Variants in LINC00305 observed in about 807,000 individuals in gnomAD.
LINC00305 encodes long independently transcribed non-coding RNA 305.
At chr18:64,084,293 A>G (rs2051195197) in intron 3 of LINC00305, among the ~76,000 whole-genome samples, 1 of 152,142 alleles carries the variant, frequency 6.6e-6, no homozygotes, top group African/African-American at 2.4e-5. Flanking sequence ...TAACCCCATA[A>G]GAATCCAATT....
intron 2 of LINC00305, chr18:64,098,561 T>G (rs1314224112): frequency 2.3e-6 from 1 of 442,722 alleles, no homozygotes; most frequent in Admixed American, 2.6e-5. Context: ...AGAAAGAATT[T>G]GAAATGGTTA....
chr18:64,137,437 A>T lies in LINC00305; in HGVS notation n.314+11338T>A, dbSNP rs141001826. On this transcript the variant is annotated intron_variant and non_coding_transcript_variant, in intron 1 of 3. Transcript: ENST00000666468. Reference sequence around the variant, plus strand: ...ATGTGGCACTTCAGTTATGAGCTATAGTCTTTCTGTCTGTCTACTATTATT... The same window carrying T: ...ATGTGGCACTTCAGTTATGAGCTATTGTCTTTCTGTCTGTCTACTATTATT... Among the ~76,000 whole-genome samples, 293 of 152,358 alleles carry T rather than the reference A, an allele frequency of 1.9e-3. 1 individual carries two copies. Among genetic ancestry groups the T allele is most frequent in the African/African-American group, 6.8e-3 (282 of 41,588 alleles).
chr18:64,146,974 T>G (rs2144286615), intron 1 of LINC00305, among the ~76,000 whole-genome samples: 1 of 152,308 alleles, frequency 6.6e-6, no homozygotes, highest in South Asian at 2.1e-4. Flanking sequence ...AGAATGTTTC[T>G]TTTTTTAACA....
At chr18:64,116,898 C>T (rs2051340239) in intron 1 of LINC00305, among the ~76,000 whole-genome samples, 1 of 152,142 alleles carries the variant, frequency 6.6e-6, no homozygotes, top group Non-Finnish European at 1.5e-5. Context: ...GGAAATGGTC[C>T]CCTTCTGAGG....
chr18:64,123,795 G>T (rs982798503), intron 1 of LINC00305, among the ~76,000 whole-genome samples: 1 of 152,036 alleles, frequency 6.6e-6, no homozygotes, highest in Admixed American at 6.6e-5. Flanking sequence ...GGTCATGTGG[G>T]TGGATTAATT....
intron 1 of LINC00305, among the ~76,000 whole-genome samples, chr18:64,105,483 A>T (rs1049960083): frequency 2.6e-5 from 4 of 152,302 alleles, no homozygotes; most frequent in African/African-American, 9.6e-5. Context: ...AACAAAAAAA[A>T]GTTATCTAGT....
chr18:64,124,654 A>G (rs2060854749), intron 1 of LINC00305, among the ~76,000 whole-genome samples: 1 of 152,156 alleles, frequency 6.6e-6, no homozygotes, highest in Non-Finnish European at 1.5e-5. Flanking sequence ...TCTCTAATAA[A>G]ATCTTATTAA....
At chr18:64,139,174 T>TC (rs1309379720) in intron 1 of LINC00305, among the ~76,000 whole-genome samples, 2 of 152,236 alleles carry the variant, frequency 1.3e-5, no homozygotes, top group African/African-American at 2.4e-5. Context: ...ACAGCTCAAT[T>TC]CTTAATCTCC....
chr18:64,098,391 C>T (rs575602618), intron 2 of LINC00305, among the ~76,000 whole-genome samples: 3 of 152,266 alleles, frequency 2.0e-5, no homozygotes, highest in African/African-American at 7.2e-5. Context: ...GCATGGATCA[C>T]ACACCAGTTC....
chr18:64,138,616 A>G (rs997672658), intron 1 of LINC00305, among the ~76,000 whole-genome samples: 13 of 152,134 alleles, frequency 8.5e-5, no homozygotes, highest in Admixed American at 1.3e-4. Flanking sequence ...GAAAATGCAG[A>G]GCAGCTTTAG....
In LINC00305 at chr18:64,097,254, T is replaced by C. The variant is rs117045883; in HGVS notation, n.540+580A>G. Among the ~76,000 whole-genome samples, 546 of 152,238 alleles carry C rather than the reference T, an allele frequency of 3.6e-3. 1 individual carries two copies. The highest frequency in any genetic ancestry group is 5.8e-3 in the Non-Finnish European group (394 of 67,950). On this transcript the variant is annotated intron_variant and non_coding_transcript_variant, in intron 3 of 3. Transcript: ENST00000666468. ...TTAAAGATGCTAATAGCTGAATTAA[T>C]TGCTGTGAATTAAATCTATTTGTAT... is the stretch of plus-strand genomic sequence containing the variant.
intron 3 of LINC00305, among the ~76,000 whole-genome samples, chr18:64,094,370 T>C (rs1294080142): frequency 6.6e-6 from 1 of 152,082 alleles, no homozygotes; most frequent in Non-Finnish European, 1.5e-5. Context: ...GATATTCCCT[T>C]ATTTGGAGTG....
chr18:64,141,052 T>TAAAAA (rs34175314), intron 1 of LINC00305, among the ~76,000 whole-genome samples: 16 of 96,280 alleles, frequency 1.7e-4, no homozygotes, highest in East Asian at 6.9e-4. Flanking sequence ...GCCTGAATGA[T>TAAAAA]AAAAAAAAAA....
At chr18:64,112,879 G>A (rs2051321248) in intron 1 of LINC00305, among the ~76,000 whole-genome samples, 1 of 152,182 alleles carries the variant, frequency 6.6e-6, no homozygotes, top group Non-Finnish European at 1.5e-5. Context: ...TAAGAAAACA[G>A]TAGTTCTCCC....
At chr18:64,142,039 G>T (rs1414356816) in intron 1 of LINC00305, among the ~76,000 whole-genome samples, 1 of 152,164 alleles carries the variant, frequency 6.6e-6, no homozygotes, top group Non-Finnish European at 1.5e-5. Context: ...TCATAGTTGT[G>T]TAGGAACTAG....
intron 1 of LINC00305, among the ~76,000 whole-genome samples, chr18:64,126,407 A>G (rs1181215083): frequency 6.6e-6 from 1 of 152,136 alleles, no homozygotes; most frequent in South Asian, 2.1e-4. Context: ...CAGCTATTTT[A>G]TAAGATACGC....
chr18:64,088,673 T>C (rs1281033156), intron 3 of LINC00305, among the ~76,000 whole-genome samples: 1 of 152,246 alleles, frequency 6.6e-6, no homozygotes, highest in Admixed American at 6.5e-5. Context: ...ACAACTGAAC[T>C]ATGTCTTACT....
intron 3 of LINC00305, among the ~76,000 whole-genome samples, chr18:64,089,157 G>A (rs918519550): frequency 6.6e-6 from 1 of 152,190 alleles, no homozygotes; most frequent in African/African-American, 2.4e-5. Flanking sequence ...GAGGTAGAGA[G>A]AGGGACCCGG....
intron 1 of LINC00305, among the ~76,000 whole-genome samples, chr18:64,140,114 C>T (rs1176026996): frequency 6.6e-6 from 1 of 152,198 alleles, no homozygotes; most frequent in Non-Finnish European, 1.5e-5. Context: ...TTCCCACTTT[C>T]TGTGACTCTG....
Sources: gnomAD v4.1 joint callset for allele counts (sites outside exome capture counted in the v4.1 genomes callset) on GRCh38, gnomAD v4.1.1 for gene constraint, MANE v1.5 for transcripts, NCBI Gene and HGNC (gene_info 2026-07-23, HGNC 2026-07-21) for gene names.